The following C1QTNF3 variants were observed in gnomAD, a reference collection of about 807,000 sequenced individuals.
The protein encoded by C1QTNF3 is complement C1q tumor necrosis factor-related protein 3.
In C1QTNF3, 26 loss-of-function variants were observed where a neutral mutation model predicts 32.6. The observed-to-expected ratio is 0.80, with a 90% CI of 0.58 to 1.11. The LOEUF is 1.11. Ranked by LOEUF, C1QTNF3 falls within the 50% of genes least tolerant of loss-of-function variation. The pLI, the probability that C1QTNF3 is intolerant of heterozygous loss-of-function variation, is 0.00. For missense variants in C1QTNF3, 362 were observed against 398.2 expected (o/e 0.91, Z 0.77); for synonymous variants, 155 against 146.0 (o/e 1.06, Z -0.44).
the C1QTNF3 span, among the ~76,000 whole-genome samples, chr5:34,080,387 T>C: frequency 6.6e-6 from 1 of 151,752 alleles, no homozygotes; most frequent in Admixed American, 6.6e-5. Context: ...GTGAAACTGG[T>C]ATTTAATGCC....
chr5:34,118,470 A>G, the C1QTNF3 span, among the ~76,000 whole-genome samples: 1 of 152,080 alleles, frequency 6.6e-6, no homozygotes, highest in Non-Finnish European at 1.5e-5. Context: ...ATTGACAACA[A>G]CACATTCACT....
the C1QTNF3 span, among the ~76,000 whole-genome samples, chr5:34,216,208 T>A: frequency 6.6e-6 from 1 of 152,238 alleles, no homozygotes; most frequent in Non-Finnish European, 1.5e-5. Flanking sequence ...TATCTCTACA[T>A]TCTTCTTTAA....
chr5:34,028,925 TAAA>T, intron 3 of C1QTNF3, 42 bp from the exon 4 acceptor site: 1 of 1,577,400 alleles, frequency 6.3e-7, no homozygotes, highest in Non-Finnish European at 8.7e-7. Flanking sequence ...CAATTTATCT[TAAA>T]GAAGTCAAGT....
chr5:34,044,378 G>T (rs890269610), upstream of C1QTNF3, among the ~76,000 whole-genome samples: 1 of 152,150 alleles, frequency 6.6e-6, no homozygotes, highest in South Asian at 2.1e-4. Context: ...ACCCAGGACC[G>T]TAAATAGCAT....
intron 5 of C1QTNF3, among the ~76,000 whole-genome samples, chr5:34,022,636 A>C (rs1754359923): frequency 1.3e-5 from 2 of 152,186 alleles, no homozygotes; most frequent in African/African-American, 4.8e-5. Flanking sequence ...GCTGTTCACC[A>C]GAATCCCCTT....
the C1QTNF3 span, among the ~76,000 whole-genome samples, chr5:34,107,444 C>T: frequency 1.3e-5 from 2 of 151,600 alleles, no homozygotes; most frequent in Non-Finnish European, 2.9e-5. Context: ...TTTAATTGAT[C>T]CATTAATATT....
chr5:34,033,602 T>C lies in C1QTNF3; in HGVS notation c.416-144A>G, dbSNP rs375217829. ...TAACCAAGGGGTATCATCATCTAAA[T>C]AGGGCAATAGGCTCTGAAAGAAGCC... On this transcript the variant is annotated intron_variant, in intron 2 of 5. Transcript: ENST00000382065. The C allele has an allele frequency of 2.0e-4, 191 of 958,578 alleles. 1 individual carries two copies. In the African/African-American group the frequency reaches 2.3e-3, roughly 11 times the overall value. 59.4% of individuals were successfully genotyped at this position (958,578 alleles called of 1,614,324 possible).
chr5:34,062,147 A>G, the C1QTNF3 span, among the ~76,000 whole-genome samples: 1 of 152,202 alleles, frequency 6.6e-6, no homozygotes, highest in African/African-American at 2.4e-5. Flanking sequence ...TCTCTTTGCT[A>G]ATACATAACA....
chr5:34,189,252 C>T, the C1QTNF3 span, among the ~76,000 whole-genome samples: 4 of 151,150 alleles, frequency 2.6e-5, no homozygotes, highest in African/African-American at 9.7e-5. Context: ...GTTTTGCACT[C>T]GTTGCCCAGG....
chr5:34,177,499 T>G, the C1QTNF3 span, among the ~76,000 whole-genome samples: 2 of 147,760 alleles, frequency 1.4e-5, no homozygotes, highest in Non-Finnish European at 3.0e-5. Context: ...TTTTTTTTTT[T>G]TTTTTGAGAC....
At chr5:34,088,936 G>GT in the C1QTNF3 span, among the ~76,000 whole-genome samples, 14 of 151,902 alleles carry the variant, frequency 9.2e-5, no homozygotes, top group South Asian at 2.3e-3. Context: ...TTTTATGCCT[G>GT]TATTTTTTTT....
At chr5:34,169,801 G>T in the C1QTNF3 span, among the ~76,000 whole-genome samples, 8 of 152,068 alleles carry the variant, frequency 5.3e-5, no homozygotes, top group Non-Finnish European at 1.0e-4. Context: ...AGGATGTAGG[G>T]AACTTGGAAT....
At chr5:34,112,814 A>G in the C1QTNF3 span, among the ~76,000 whole-genome samples, 1 of 152,150 alleles carries the variant, frequency 6.6e-6, no homozygotes, top group Non-Finnish European at 1.5e-5. Flanking sequence ...ATCAAATTCA[A>G]GTCATTAAAT....
At chr5:34,207,275 G>GATATATAT in the C1QTNF3 span, among the ~76,000 whole-genome samples, 2 of 143,120 alleles carry the variant, frequency 1.4e-5, no homozygotes, top group African/African-American at 5.2e-5. Flanking sequence ...TCAAATTTGA[G>GATATATAT]ATATATATAT....
At chr5:34,027,669 T>C (rs538345102) in intron 4 of C1QTNF3, among the ~76,000 whole-genome samples, 1 of 143,426 alleles carries the variant, frequency 7.0e-6, no homozygotes, top group South Asian at 2.2e-4. Flanking sequence ...ATGGTGCCAC[T>C]GCACTCCAGG....
chr5:34,229,239 A>C, the C1QTNF3 span, among the ~76,000 whole-genome samples: 1 of 151,988 alleles, frequency 6.6e-6, no homozygotes, highest in Non-Finnish European at 1.5e-5. Context: ...TCACATTTAC[A>C]TATCATAAAA....
At chr5:34,214,586 A>G in the C1QTNF3 span, among the ~76,000 whole-genome samples, 1 of 152,206 alleles carries the variant, frequency 6.6e-6, no homozygotes, top group South Asian at 2.1e-4. Flanking sequence ...ATGGAAAACA[A>G]TTCTACAAAA....
At chr5:34,196,105 C>G in the C1QTNF3 span, among the ~76,000 whole-genome samples, 2 of 152,308 alleles carry the variant, frequency 1.3e-5, no homozygotes, top group African/African-American at 4.8e-5. Context: ...TCTTGCACTT[C>G]CAGTCTCCAC....
intron 1 of C1QTNF3, among the ~76,000 whole-genome samples, chr5:34,038,945 G>C (rs1322732049): frequency 6.6e-6 from 1 of 152,142 alleles, no homozygotes; most frequent in Non-Finnish European, 1.5e-5. Context: ...AGCCAGTGCC[G>C]GGTAAAGGCA....
Sources: gnomAD v4.1 joint callset for allele counts (sites outside exome capture counted in the v4.1 genomes callset) on GRCh38, gnomAD v4.1.1 for gene constraint, MANE v1.5 for transcripts, NCBI Gene and HGNC (gene_info 2026-07-23, HGNC 2026-07-21) for gene names.